Variants in CDH13 observed in about 807,000 individuals in gnomAD.
The protein encoded by CDH13 is cadherin 13.
In CDH13, 24 loss-of-function variants were observed where a neutral mutation model predicts 63.8. That is an observed-to-expected ratio of 0.38 (90% CI 0.27 to 0.53). The LOEUF (loss-of-function observed/expected upper bound fraction) is 0.53, where lower values mean the gene tolerates loss of function less well. CDH13 is among the 20% of genes least tolerant of loss of function. The probability of loss-of-function intolerance (pLI) is 0.85; values close to 1 mark genes in which losing one functional copy is unlikely to be tolerated. For missense variants in CDH13, 1,049 were observed against 903.1 expected (o/e 1.16, Z -2.07); for synonymous variants, 503 against 355.3 (o/e 1.42, Z -4.67).
At chr16:82,664,593 G>A (rs1912368712) in intron 1 of CDH13, among the ~76,000 whole-genome samples, 2 of 152,208 alleles carry the variant, frequency 1.3e-5, no homozygotes, top group African/African-American at 4.8e-5. Flanking sequence ...ATGACTGGGA[G>A]AAAGGACCCA....
rs1048629075 is a variant in CDH13 at position 82,706,772 on chromosome 16, C to G, written c.45+79635C>G. 1.2e-4 allele frequency among the ~76,000 whole-genome samples: 18 copies of G among 151,914 alleles called. 1 individual carries two copies. In the Middle Eastern group the frequency reaches 0.014, roughly 116 times the overall value. On this transcript the variant is annotated intron_variant, in intron 1 of 13. Coordinates refer to ENST00000567109, the MANE Select transcript of CDH13 (RefSeq NM_001257.5). ...TGAGCTGAGATCATGCCGCTGTACT[C>G]CAGCCTGGGTGACAGAGCGAGACTC...
intron 4 of CDH13, among the ~76,000 whole-genome samples, chr16:83,162,920 C>G (rs1010997219): frequency 6.6e-6 from 1 of 152,084 alleles, no homozygotes; most frequent in Non-Finnish European, 1.5e-5. Flanking sequence ...GTCTAGCACA[C>G]TCATTGATAT....
intron 6 of CDH13, among the ~76,000 whole-genome samples, chr16:83,364,486 A>C (rs1295344943): frequency 2.0e-5 from 3 of 152,172 alleles, no homozygotes; most frequent in African/African-American, 7.2e-5. Context: ...AAACTTACCT[A>C]AGTCTCACAA....
At chr16:82,981,977 C>G (rs1910322529) in intron 2 of CDH13, among the ~76,000 whole-genome samples, 3 of 152,188 alleles carry the variant, frequency 2.0e-5, no homozygotes, top group Non-Finnish European at 2.9e-5. Context: ...TGTCTGAATG[C>G]TGTTGCTTGC....
At chr16:83,251,726 A>G (rs1304540985) in intron 5 of CDH13, among the ~76,000 whole-genome samples, 1 of 152,190 alleles carries the variant, frequency 6.6e-6, no homozygotes, top group Non-Finnish European at 1.5e-5. Flanking sequence ...AGAAAGGTAG[A>G]CCTTGTCTTT....
At chr16:83,711,425 C>T (rs1055204526) in intron 10 of CDH13, among the ~76,000 whole-genome samples, 4 of 152,182 alleles carry the variant, frequency 2.6e-5, no homozygotes, top group Non-Finnish European at 4.4e-5. Flanking sequence ...AATTAGCAAA[C>T]TTTCCTAATG....
intron 1 of CDH13, among the ~76,000 whole-genome samples, chr16:82,798,575 G>A (rs1790247685): frequency 6.6e-6 from 1 of 152,128 alleles, no homozygotes; most frequent in Non-Finnish European, 1.5e-5. Flanking sequence ...AATGTGGCCT[G>A]GGCAATGTCT....
intron 3 of CDH13, among the ~76,000 whole-genome samples, chr16:83,035,611 C>G (rs977382320): frequency 6.6e-6 from 1 of 152,102 alleles, no homozygotes; most frequent in Non-Finnish European, 1.5e-5. Flanking sequence ...CCTGGGCAGC[C>G]TGGCCCCTGA....
chr16:83,649,031 C>A (rs1417285029), intron 8 of CDH13, among the ~76,000 whole-genome samples: 1 of 152,216 alleles, frequency 6.6e-6, no homozygotes, highest in Non-Finnish European at 1.5e-5. Context: ...GAAGGAAATT[C>A]AAGCTGAAAG....
intron 6 of CDH13, among the ~76,000 whole-genome samples, chr16:83,450,039 A>G (rs549369665): frequency 1.1e-3 from 171 of 152,162 alleles, no homozygotes; most frequent in Non-Finnish European, 2.0e-3. Flanking sequence ...GCTGCTCATC[A>G]CTGGGGTTGC....
intron 4 of CDH13, among the ~76,000 whole-genome samples, chr16:83,183,379 C>A (rs8060310): frequency 6.6e-6 from 1 of 152,094 alleles, no homozygotes; most frequent in Non-Finnish European, 1.5e-5. Context: ...TATGACCTTC[C>A]ACGCACACGA....
At chr16:83,022,735 A>T (rs995203392) in intron 2 of CDH13, among the ~76,000 whole-genome samples, 2 of 152,136 alleles carry the variant, frequency 1.3e-5, no homozygotes, top group Non-Finnish European at 2.9e-5. Flanking sequence ...CTGACCATCC[A>T]CTCTGAAAGG....
At chr16:82,946,984 G>C (rs1479403876) in intron 2 of CDH13, among the ~76,000 whole-genome samples, 1 of 149,410 alleles carries the variant, frequency 6.7e-6, no homozygotes, top group African/African-American at 2.5e-5. Context: ...CTAGGCCAAA[G>C]TCTTTATAAG....
chr16:82,862,518 A>G (rs1043440132), intron 2 of CDH13, among the ~76,000 whole-genome samples: 4 of 152,052 alleles, frequency 2.6e-5, no homozygotes, highest in Non-Finnish European at 4.4e-5. Flanking sequence ...GTGTCCAGAA[A>G]GAAGATCCTC....
At chr16:83,717,343 TC>T (rs1475720998) in intron 10 of CDH13, among the ~76,000 whole-genome samples, 2 of 152,124 alleles carry the variant, frequency 1.3e-5, no homozygotes, top group Admixed American at 6.5e-5. Flanking sequence ...CCTGACTTCT[TC>T]CCCACTTTTT....
At chr16:83,677,415 T>A (rs1358949075) in intron 9 of CDH13, among the ~76,000 whole-genome samples, 6 of 152,212 alleles carry the variant, frequency 3.9e-5, no homozygotes, top group Admixed American at 3.9e-4. Flanking sequence ...GTCCTGGGCA[T>A]GGCCTTGAGT....
At chr16:82,800,755 G>C (rs987704972) in intron 1 of CDH13, among the ~76,000 whole-genome samples, 4 of 152,152 alleles carry the variant, frequency 2.6e-5, no homozygotes, top group African/African-American at 9.7e-5. Context: ...AAAGCTCAAA[G>C]GAATAGTGAT....
intron 11 of CDH13, among the ~76,000 whole-genome samples, chr16:83,764,192 G>A (rs1249668100): frequency 6.6e-6 from 1 of 152,144 alleles, no homozygotes; most frequent in African/African-American, 2.4e-5. Flanking sequence ...CTATGAAAAG[G>A]CACTTATGAC....
chr16:83,574,610 C>T (rs1312562843), intron 7 of CDH13, among the ~76,000 whole-genome samples: 1 of 152,210 alleles, frequency 6.6e-6, no homozygotes, highest in Non-Finnish European at 1.5e-5. Flanking sequence ...TCAGTGTCCT[C>T]ATTTGCATCA....
Sources: gnomAD v4.1 joint callset for allele counts (sites outside exome capture counted in the v4.1 genomes callset) on GRCh38, gnomAD v4.1.1 for gene constraint, MANE v1.5 for transcripts, NCBI Gene and HGNC (gene_info 2026-07-23, HGNC 2026-07-21) for gene names.